The following IL34 variants were observed in gnomAD, a reference collection of about 807,000 sequenced individuals.
IL34 encodes interleukin-34.
IL34 carries 17 observed loss-of-function variants against 25.3 expected under a neutral mutation model. The observed-to-expected ratio is 0.67, with a 90% CI of 0.46 to 1.01. The LOEUF is 1.01. Ranked by LOEUF, IL34 falls within the 50% of genes least tolerant of loss-of-function variation. The pLI is 0.00. For missense variants in IL34, 368 were observed against 312.9 expected (o/e 1.18, Z -1.33); for synonymous variants, 174 against 140.9 (o/e 1.23, Z -1.66).
chr16:70,608,099 G>A (rs934477018), intron 1 of IL34, among the ~76,000 whole-genome samples: 5 of 145,954 alleles, frequency 3.4e-5, no homozygotes. Flanking sequence ...TTAACATGGT[G>A]AATTATGATG....
intron 1 of IL34, among the ~76,000 whole-genome samples, chr16:70,613,292 C>T (rs1416805880): frequency 6.6e-6 from 1 of 152,198 alleles, no homozygotes; most frequent in Non-Finnish European, 1.5e-5. Flanking sequence ...AATTTCCATG[C>T]CATGTTCTGA....
At chr16:70,626,010 G>T (rs969386928) in intron 1 of IL34, among the ~76,000 whole-genome samples, 1 of 152,188 alleles carries the variant, frequency 6.6e-6, no homozygotes, top group Non-Finnish European at 1.5e-5. Flanking sequence ...TCACGGCACC[G>T]AATTTCATGC....
chr16:70,604,906 ATGTGTGTGTGCATG>A (rs1381888100), intron 1 of IL34, among the ~76,000 whole-genome samples: 2 of 151,696 alleles, frequency 1.3e-5, no homozygotes, highest in African/African-American at 2.4e-5. Context: ...GTGTGCATGC[ATGTGTGTGTGCATG>A]TGTGTGTGTG....
intron 1 of IL34, among the ~76,000 whole-genome samples, chr16:70,630,233 C>G (rs2051488120): frequency 6.6e-6 from 1 of 151,874 alleles, no homozygotes; most frequent in South Asian, 2.1e-4. Context: ...CATTTTCTTT[C>G]CTTCTTTCTT....
chr16:70,646,062 T>A (rs924508135), upstream of IL34, among the ~76,000 whole-genome samples: 56 of 150,970 alleles, frequency 3.7e-4, no homozygotes, highest in Admixed American at 7.3e-4. Flanking sequence ...CTCAAAAAAA[T>A]TTTTTTTTTC....
chr16:70,615,719 G>A (rs2051163415), intron 1 of IL34, among the ~76,000 whole-genome samples: 1 of 152,136 alleles, frequency 6.6e-6, no homozygotes, highest in African/African-American at 2.4e-5. Context: ...GGGAGTCTGA[G>A]GTGGGGCAAA....
intron 3 of IL34, 73 bp downstream of exon 3, chr16:70,656,752 G>T: frequency 2.1e-6 from 2 of 960,250 alleles, no homozygotes; most frequent in Non-Finnish European, 3.4e-6. Context: ...TCAGAGGCGC[G>T]CTGGGACTGG....
At chr16:70,656,234 C>T (rs564529400) in intron 2 of IL34, among the ~76,000 whole-genome samples, 3 of 152,302 alleles carry the variant, frequency 2.0e-5, no homozygotes, top group Admixed American at 2.0e-4. Context: ...TTCTCTCCTC[C>T]TACATCAAAA....
chr16:70,641,399 T>C (rs1222150215), intron 1 of IL34, among the ~76,000 whole-genome samples: 2 of 152,290 alleles, frequency 1.3e-5, no homozygotes, highest in South Asian at 4.1e-4. Context: ...CACTGTATAC[T>C]TAAAGAAGGT....
intron 1 of IL34, among the ~76,000 whole-genome samples, chr16:70,600,957 T>C (rs1024895341): frequency 7.0e-6 from 1 of 143,092 alleles, no homozygotes; most frequent in African/African-American, 2.9e-5. Context: ...GAGTAGGGGA[T>C]GCTGGGAGAA....
intron 2 of IL34, among the ~76,000 whole-genome samples, chr16:70,655,580 C>T (rs1293499026): frequency 6.6e-6 from 1 of 151,968 alleles, no homozygotes; most frequent in South Asian, 2.1e-4. Context: ...TGAGTAGAGA[C>T]AGGGGTTCAC....
At position 70,660,160 on chromosome 16, in the gene IL34, G is replaced by A; in HGVS notation, c.702G>A (p.Arg234=). ...CCACGGGCTCGGTGAGGCCGGTCAG[G>A]GCACAGGGCGAGGGCCTCTTGCCCT... ...PHSTGSVRPV[R]AQGEGLLP The change falls in exon 6 of 6, where the codon AGG becomes AGA. Residue 234 remains arginine, a synonymous_variant. Coordinates refer to ENST00000288098, the MANE Select transcript of IL34 (RefSeq NM_001393494.1). 6.2e-7 allele frequency: 1 copy of A among 1,602,438 alleles called. No individual in the cohort carries two copies. Among genetic ancestry groups the A allele is most frequent in the Middle Eastern group, 1.7e-4 (1 of 5,962 alleles).
chr16:70,627,019 G>A (rs960339864), intron 1 of IL34, among the ~76,000 whole-genome samples: 5 of 151,854 alleles, frequency 3.3e-5, no homozygotes, highest in Admixed American at 1.3e-4. Flanking sequence ...ATAGAGACAG[G>A]GTCTCCCTAT....
At chr16:70,606,229 T>C (rs1048372476) in intron 1 of IL34, among the ~76,000 whole-genome samples, 8 of 151,750 alleles carry the variant, frequency 5.3e-5, no homozygotes, top group Admixed American at 5.3e-4. Context: ...AAACCCCGTC[T>C]CTACTAAAAA....
At chr16:70,626,319 A>T (rs1297107077) in intron 1 of IL34, among the ~76,000 whole-genome samples, 1 of 152,102 alleles carries the variant, frequency 6.6e-6, no homozygotes, top group Non-Finnish European at 1.5e-5. Flanking sequence ...TCAGTCTTTT[A>T]TGGTTTCTGA....
In IL34 at chr16:70,656,922, A is replaced by G. The variant is rs1014162708; in HGVS notation, c.241-38A>G. ...GGGAGTGGTCAGAGCCCAGAGGCCC[A>G]TGTCTCCCGAGTTGCAGTGACTTCC... On this transcript the variant is annotated intron_variant, in intron 3 of 5. Coordinates refer to ENST00000288098, the MANE Select transcript of IL34 (RefSeq NM_001393494.1). The G allele has an allele frequency of 5.7e-6, 9 of 1,583,634 alleles. No individual in the cohort carries two copies. In the African/African-American group the frequency reaches 1.1e-4, roughly 19 times the overall value.
intron 1 of IL34, among the ~76,000 whole-genome samples, chr16:70,605,884 C>G (rs2050995304): frequency 6.6e-6 from 1 of 150,516 alleles, no homozygotes; most frequent in African/African-American, 2.4e-5. Context: ...GTTGGCCAGG[C>G]TGGTCTCAAC....
At chr16:70,630,570 C>G (rs988953052) in intron 1 of IL34, among the ~76,000 whole-genome samples, 1 of 151,202 alleles carries the variant, frequency 6.6e-6, no homozygotes, top group African/African-American at 2.4e-5. Context: ...CTCCTCTCCT[C>G]TTCTTTCTTT....
chr16:70,655,330 C>T (rs1026136210), intron 2 of IL34, among the ~76,000 whole-genome samples: 24 of 151,824 alleles, frequency 1.6e-4, no homozygotes, highest in Admixed American at 1.4e-3. Context: ...GGATTACAGG[C>T]GTGAGCCACT....
Sources: allele counts gnomAD v4.1 joint callset (sites outside exome capture counted in the v4.1 genomes callset), GRCh38; gene constraint gnomAD v4.1.1; transcripts MANE v1.5; gene names NCBI Gene and HGNC (gene_info 2026-07-23, HGNC 2026-07-21).